SELENON: variants seen among roughly 807,000 people sequenced by gnomAD.
SELENON encodes the protein selenoprotein N, 1.
SELENON carries 44 observed loss-of-function variants against 59.5 expected under a neutral mutation model. That is an observed-to-expected ratio of 0.74 (90% CI 0.58 to 0.95). The LOEUF (loss-of-function observed/expected upper bound fraction) is 0.95, where lower values mean the gene tolerates loss of function less well. Among genes scored for constraint, SELENON ranks in the 40% least tolerant of loss-of-function variants. The pLI is 0.00. For synonymous variants in SELENON, 320 were observed against 305.6 expected (o/e 1.05, Z -0.49); for missense variants, 674 against 721.4 (o/e 0.93, Z 0.75).
Position 25,812,806 on chromosome 1 carries a change from C to G in SELENON, c.1387+14C>G, listed in dbSNP as rs750223142. 1 of 1,595,680 alleles carries G rather than the reference C, an allele frequency of 6.3e-7. No homozygotes were observed. Among genetic ancestry groups the G allele is most frequent in the Admixed American group, 1.7e-5 (1 of 59,322 alleles). ...AGTCCTGCTGAGGTGAGGGGCCCGG[C>G]TGGATCTAAGGGGAGCAGTGGGAAA... On this transcript the variant is annotated intron_variant, in intron 10 of 12. Coordinates refer to ENST00000361547, the MANE Select transcript of SELENON (RefSeq NM_020451.3).
intron 12 of SELENON, among the ~76,000 whole-genome samples, chr1:25,814,581 G>T (rs962901624): frequency 2.0e-5 from 3 of 152,138 alleles, no homozygotes; most frequent in Non-Finnish European, 2.9e-5. Flanking sequence ...CTCCCTAAGG[G>T]CCCCTTACCT....
At position 25,816,626 on chromosome 1, in the gene SELENON, C is replaced by G. The variant is rs1254901916; in HGVS notation, c.*908C>G. On this transcript the variant is annotated 3_prime_UTR_variant, in exon 13 of 13. Coordinates refer to ENST00000361547, the MANE Select transcript of SELENON (RefSeq NM_020451.3). Reference sequence around the variant, plus strand: ...GGGTGCCCCAGGCTAGCTCTTCTACCTCTGGGGCACCACGGACTCCCCTTG... The same window carrying G: ...GGGTGCCCCAGGCTAGCTCTTCTACGTCTGGGGCACCACGGACTCCCCTTG... 1.3e-5 allele frequency: 2 copies of G among 152,772 alleles called. No homozygotes were observed. Among genetic ancestry groups the G allele is most frequent in the African/African-American group, 4.8e-5 (2 of 41,476 alleles). The allele number at this position is 152,772 out of a possible 1,614,324, so 9.5% of individuals were successfully genotyped here. A position where few individuals can be genotyped will look rare whatever the true frequency, so the allele number is the denominator to read the frequency against.
chr1:25,817,635 C>G lies in SELENON; in HGVS notation c.*1917C>G, dbSNP rs2048022768. On this transcript the variant is annotated 3_prime_UTR_variant, in exon 13 of 13. Coordinates refer to ENST00000361547, the MANE Select transcript of SELENON (RefSeq NM_020451.3). ...TCCCATCTTGATGAAACTTGAGTCT[C>G]AGGGAAGTGAAGTGACTTGCCCAGG... 1 of 152,236 alleles carries G rather than the reference C, an allele frequency of 6.6e-6. No individual in the cohort carries two copies. The highest frequency in any genetic ancestry group is 2.4e-5 in the African/African-American group (1 of 41,454). 9.4% of individuals were successfully genotyped at this position (152,236 alleles called of 1,614,324 possible).
intron 7 of SELENON, 84 bp from the exon 7 acceptor site, chr1:25,811,370 G>A (rs1282470133): frequency 1.7e-6 from 2 of 1,188,986 alleles, no homozygotes; most frequent in African/African-American, 1.5e-5. Flanking sequence ...GGAAAGTGGA[G>A]ACAGTTGCAG....
At chr1:25,810,021 G>A (rs531279536) in intron 7 of SELENON, among the ~76,000 whole-genome samples, 15 of 152,304 alleles carry the variant, frequency 9.8e-5, no homozygotes, top group South Asian at 6.2e-4. Context: ...CCAGGCACCC[G>A]TGGCCTGGCC....
At chr1:25,800,505 C>T in intron 1 of SELENON, 92 bp downstream of exon 1, 2 of 597,696 alleles carry the variant, frequency 3.3e-6, no homozygotes, top group Non-Finnish European at 4.2e-6. Context: ...ATGGACGAGT[C>T]GGGGGAGGCG....
At chr1:25,811,931 G>A (rs1362361708) in intron 9 of SELENON, 52 bp downstream of exon 8, 2 of 1,528,198 alleles carry the variant, frequency 1.3e-6, no homozygotes, top group Admixed American at 2.0e-5. Flanking sequence ...GGCAGAGGCT[G>A]GGAGCTGTGG....
intron 3 of SELENON, among the ~76,000 whole-genome samples, chr1:25,803,445 G>A (rs566428526): frequency 2.6e-5 from 4 of 152,274 alleles, no homozygotes; most frequent in African/African-American, 9.6e-5. Context: ...TTATGAGAGT[G>A]TTTAATTTTC....
At chr1:25,804,534 C>G (rs2047886409) in intron 3 of SELENON, among the ~76,000 whole-genome samples, 1 of 150,946 alleles carries the variant, frequency 6.6e-6, no homozygotes, top group African/African-American at 2.4e-5. Context: ...TCCTTCTATA[C>G]TGGGAAGGTT....
chr1:25,812,556 TACACACAAACACACACACACACAC>T (rs1159002450), intron 9 of SELENON, 107 bp from the exon 9 acceptor site: 14 of 527,964 alleles, frequency 2.7e-5, no homozygotes, highest in African/African-American at 2.0e-4. Flanking sequence ...TATATATGCC[TACACACAAACACACACACACACAC>T]ACACACACAC....
Position 25,807,459 on chromosome 1 carries a change from A to G in SELENON, c.538-1121A>G, listed in dbSNP as rs984240697. 6.6e-6 allele frequency among the ~76,000 whole-genome samples: 1 copy of G among 152,206 alleles called. No individual in the cohort carries two copies. The highest frequency in any genetic ancestry group is 1.5e-5 in the Non-Finnish European group (1 of 68,030). Reference sequence around the variant, plus strand: ...AAAAGGAGATGGGGAACCCATCTCCATGGATTTGGCAGTGATGGGCTGGTC... The same window carrying G: ...AAAAGGAGATGGGGAACCCATCTCCGTGGATTTGGCAGTGATGGGCTGGTC... On this transcript the variant is annotated intron_variant, in intron 4 of 12. Transcript: ENST00000361547. The surrounding 1 kb of genome is among the most constrained non-coding windows in gnomAD (Gnocchi z 4.5).
rs1363208001 is a variant in SELENON, at chr1:25,807,824, T to A, written c.538-756T>A. 6.6e-6 allele frequency among the ~76,000 whole-genome samples: 1 copy of A among 152,078 alleles called. No homozygotes were observed. The highest frequency in any genetic ancestry group is 1.9e-4 in the East Asian group (1 of 5,172). Reference sequence around the variant, plus strand: ...AAATGCTGGCCGACGTGTAGACAGCTCTGTGGTCTCTGAGCGTCCTCTCCG... The same window carrying A: ...AAATGCTGGCCGACGTGTAGACAGCACTGTGGTCTCTGAGCGTCCTCTCCG... On this transcript the variant is annotated intron_variant, in intron 4 of 12. Coordinates refer to ENST00000361547, the MANE Select transcript of SELENON (RefSeq NM_020451.3). The surrounding 1 kb of genome is among the most constrained non-coding windows in gnomAD (Gnocchi z 4.5).
intron 2 of SELENON, chr1:25,801,865 G>A (rs530785950): frequency 4.8e-4 from 90 of 185,840 alleles, no homozygotes; most frequent in Non-Finnish European, 7.5e-4. Flanking sequence ...AGCTAGAAAG[G>A]TGCGGAGCCA....
Position 25,811,520 on chromosome 1 carries a change from C to G in SELENON, c.1077C>G (p.Ile359Met), listed in dbSNP as rs370740923. 6.2e-7 allele frequency: 1 copy of G among 1,614,028 alleles called. No homozygotes were observed. Among genetic ancestry groups the G allele is most frequent in the Middle Eastern group, 1.6e-4 (1 of 6,062 alleles). The change falls in exon 8 of 13, where the codon ATC (isoleucine) becomes ATG (methionine). Residue 359 changes from isoleucine to methionine, a missense_variant. Transcript: ENST00000361547. ...AAAGCAGCAACATGGAGGTGGACATCGGCTACATACCCCAGGTGAGCGCAC... is the reference window on the plus strand; with the variant it reads ...AAAGCAGCAACATGGAGGTGGACATGGGCTACATACCCCAGGTGAGCGCAC...
rs1245122665 is a variant in SELENON at position 25,815,805 on chromosome 1, A to T, written c.*87A>T. The T allele has an allele frequency of 7.1e-7, 1 of 1,403,188 alleles. No homozygotes were observed. Among genetic ancestry groups the T allele is most frequent in the Non-Finnish European group, 9.9e-7 (1 of 1,007,560 alleles). 86.9% of individuals were successfully genotyped at this position (1,403,188 alleles called of 1,614,324 possible). A position where few individuals can be genotyped will look rare whatever the true frequency, so the allele number is the denominator to read the frequency against. On this transcript the variant is annotated 3_prime_UTR_variant, in exon 13 of 13. Transcript: ENST00000361547. ...CCATTTCAGACTGCAGATGCCGCCC[A>T]CTCCCACCCCACTCCTAGGCTGCCT...
intron 1 of SELENON, 97 bp from the exon 2 acceptor site, chr1:25,800,946 G>A: frequency 9.4e-6 from 9 of 961,000 alleles, no homozygotes; most frequent in South Asian, 1.3e-5. Context: ...TCAGGAAGAT[G>A]GTGGGAGAAG....
intron 7 of SELENON, 42 bp downstream of exon 6, chr1:25,809,862 G>A (rs2047943858): frequency 6.2e-7 from 1 of 1,607,762 alleles, no homozygotes; most frequent in Admixed American, 1.7e-5. Flanking sequence ...CCCTCCTACA[G>A]CTTGTCCTGC....
chr1:25,802,789 T>A (rs60203806), intron 3 of SELENON, among the ~76,000 whole-genome samples: 88 of 152,384 alleles, frequency 5.8e-4, no homozygotes, highest in African/African-American at 2.0e-3. Flanking sequence ...ACCACCACCC[T>A]AACCTCTGTG....
chr1:25,807,070 C>T lies in SELENON; in HGVS notation c.538-1510C>T, dbSNP rs957760813. ...ATCTCCTGACCTCGTGATCCACCTG[C>T]CTCGGCCTCCCGAATTATAGGCGTA... On this transcript the variant is annotated intron_variant, in intron 4 of 12. Transcript: ENST00000361547. The surrounding 1 kb of genome is among the most constrained non-coding windows in gnomAD (Gnocchi z 4.5). Among the ~76,000 whole-genome samples the T allele has an allele frequency of 5.9e-5, 9 of 151,974 alleles. No homozygotes were observed. Among genetic ancestry groups the T allele is most frequent in the African/African-American group, 2.2e-4 (9 of 41,370 alleles).
Sources: allele counts gnomAD v4.1 joint callset (sites outside exome capture counted in the v4.1 genomes callset), GRCh38; gene constraint gnomAD v4.1.1; non-coding constraint Gnocchi (gnomAD v3.1); transcripts MANE v1.5; gene names NCBI Gene and HGNC (gene_info 2026-07-23, HGNC 2026-07-21).